Variants in IMPA2 observed in about 807,000 individuals in gnomAD.
The protein encoded by IMPA2 is inositol monophosphatase 2.
Under a neutral mutation model 35.1 loss-of-function variants are expected in IMPA2, and 32 were observed. The ratio of observed to expected loss-of-function variants is 0.91; its 90% confidence interval spans 0.69 to 1.23. The LOEUF is 1.23. Among genes scored for constraint, IMPA2 ranks in the 50% most tolerant of loss-of-function variants. IMPA2 has a pLI of 0.00. For missense variants in IMPA2, 334 were observed against 387.6 expected, an observed-to-expected ratio of 0.86 and a Z score of 1.16; for synonymous variants, 135 against 160.6, an observed-to-expected ratio of 0.84 and a Z score of 1.20.
rs748544516 is a variant in IMPA2, at chr18:11,999,109, C to G, written c.152C>G (p.Ala51Gly). The G allele has an allele frequency of 1.2e-6, 2 of 1,613,458 alleles. No individual in the cohort carries two copies. The highest frequency in any genetic ancestry group is 2.2e-5 in the South Asian group (2 of 91,040). ...CGTGTCTCAACAAAAACATCAGCTG[C>G]AGATCTTGTGACAGAAACAGATCAC... ...EKRVSTKTSA[A>G]DLVTETDHLV... The change falls in exon 2 of 8, where the codon GCA becomes GGA. Residue 51 changes from alanine (A) to glycine (G), a missense_variant. By Grantham distance (60) the Ala-to-Gly change is moderately conservative. Coordinates refer to ENST00000269159, the MANE Select transcript of IMPA2 (RefSeq NM_014214.3).
intron 5 of IMPA2, among the ~76,000 whole-genome samples, chr18:12,016,907 A>G (rs772697676): frequency 1.3e-5 from 2 of 152,230 alleles, no homozygotes; most frequent in Non-Finnish European, 2.9e-5. Flanking sequence ...ACCATTATCA[A>G]AGAAGAAACT....
intron 1 of IMPA2, among the ~76,000 whole-genome samples, chr18:11,992,025 G>T (rs1181460386): frequency 1.3e-5 from 2 of 152,152 alleles, no homozygotes; most frequent in East Asian, 3.9e-4. Flanking sequence ...TGTATTTTTA[G>T]TAGAGACAGG....
intron 5 of IMPA2, among the ~76,000 whole-genome samples, chr18:12,027,789 C>T (rs544586186): frequency 9.2e-5 from 14 of 151,500 alleles, no homozygotes; most frequent in African/African-American, 3.4e-4. Context: ...ACCATCTTGC[C>T]CAGGCTGGTC....
chr18:11,997,178 T>C (rs1042215538), intron 1 of IMPA2, among the ~76,000 whole-genome samples: 11 of 152,232 alleles, frequency 7.2e-5, no homozygotes, highest in African/African-American at 2.2e-4. Flanking sequence ...TTGAGGGTCC[T>C]GGACCATGGG....
At chr18:12,011,714 G>T (rs528321950) in intron 3 of IMPA2, among the ~76,000 whole-genome samples, 8 of 152,368 alleles carry the variant, frequency 5.3e-5, no homozygotes, top group Admixed American at 5.2e-4. Flanking sequence ...GGGCACTCAG[G>T]CAGGGATGCT....
intron 5 of IMPA2, 136 bp downstream of exon 5, chr18:12,014,509 C>T: frequency 1.8e-6 from 1 of 563,896 alleles, no homozygotes; most frequent in Non-Finnish European, 3.1e-6. Context: ...ACATCGTGTC[C>T]CTGATGAACT....
intron 2 of IMPA2, among the ~76,000 whole-genome samples, chr18:12,002,988 T>C (rs999300136): frequency 2.0e-5 from 3 of 151,048 alleles, no homozygotes; most frequent in African/African-American, 7.3e-5. Flanking sequence ...AGGTCAGGAG[T>C]TCGAGACCAG....
rs1164803590 is a variant in IMPA2 at position 12,009,912 on chromosome 18, G to A, written c.260G>A (p.Gly87Glu). The A allele has an allele frequency of 1.2e-6, 2 of 1,614,124 alleles. No homozygotes were observed. Among genetic ancestry groups the A allele is most frequent in the East Asian group, 4.5e-5 (2 of 44,874 alleles). The change falls in exon 3 of 8, where the codon GGG (glycine) becomes GAG (glutamate). Residue 87 changes from glycine (G) to glutamate (E), a missense_variant. Gly to Glu is a moderately conservative substitution (Grantham distance 98, BLOSUM62 -2). Coordinates refer to ENST00000269159, the MANE Select transcript of IMPA2 (RefSeq NM_014214.3). ...RFIAEEAAAS[G>E]AKCVLTHSPT... ...ATTGCAGAAGAGGCCGCGGCTTCTG[G>A]GGCCAAGTGTGTGCTCACCCACAGC...
intron 1 of IMPA2, among the ~76,000 whole-genome samples, chr18:11,985,476 T>C (rs1342977931): frequency 1.3e-5 from 2 of 152,232 alleles, no homozygotes; most frequent in Admixed American, 6.5e-5. Flanking sequence ...TTAGAAAATT[T>C]AGGCTTCAAA....
chr18:12,000,760 T>C (rs1018007915), intron 2 of IMPA2, among the ~76,000 whole-genome samples: 3 of 150,576 alleles, frequency 2.0e-5, no homozygotes, highest in African/African-American at 4.9e-5. Flanking sequence ...GGACTACAGG[T>C]GCCCGCCACC....
intron 2 of IMPA2, among the ~76,000 whole-genome samples, chr18:12,004,283 G>T (rs2143796390): frequency 6.6e-6 from 1 of 151,924 alleles, no homozygotes; most frequent in South Asian, 2.1e-4. Context: ...GAAAAAAAAA[G>T]AAAGAAAGAA....
chr18:12,029,710 C>T (rs1382039500), intron 7 of IMPA2, among the ~76,000 whole-genome samples: 1 of 152,174 alleles, frequency 6.6e-6, no homozygotes, highest in Non-Finnish European at 1.5e-5. Context: ...CCTGAGCCAC[C>T]ATGCCCGGCC....
intron 6 of IMPA2, 101 bp from the exon 7 acceptor site, chr18:12,028,741 T>C (rs746610187): frequency 2.2e-6 from 3 of 1,343,026 alleles, no homozygotes. Flanking sequence ...CATTTTTCAC[T>C]AGGGAAAATG....
chr18:12,004,454 G>C (rs1907198359), intron 2 of IMPA2, among the ~76,000 whole-genome samples: 2 of 151,628 alleles, frequency 1.3e-5, no homozygotes, highest in Non-Finnish European at 1.5e-5. Context: ...TTTTCCTCTT[G>C]TCTATTGGAT....
chr18:11,997,787 A>T (rs1267045033), intron 1 of IMPA2, among the ~76,000 whole-genome samples: 1 of 152,220 alleles, frequency 6.6e-6, no homozygotes, highest in Non-Finnish European at 1.5e-5. Context: ...GGATGTAGCT[A>T]GTTTAGGAAG....
At chr18:12,004,014 TG>T (rs1907187486) in intron 2 of IMPA2, among the ~76,000 whole-genome samples, 1 of 152,240 alleles carries the variant, frequency 6.6e-6, no homozygotes, top group Non-Finnish European at 1.5e-5. Context: ...AGAGCCCCCA[TG>T]TAACCTGCTG....
rs1212881622 is a variant in IMPA2 at position 12,010,031 on chromosome 18, C to T, written c.335+44C>T. 1 of 1,437,388 alleles carries T rather than the reference C, an allele frequency of 7.0e-7. No individual in the cohort carries two copies. Among genetic ancestry groups the T allele is most frequent in the Non-Finnish European group, 9.8e-7 (1 of 1,023,042 alleles). 89.0% of individuals were successfully genotyped at this position (1,437,388 alleles called of 1,614,324 possible). A position where few individuals can be genotyped will look rare whatever the true frequency, so the allele number is the denominator to read the frequency against. On this transcript the variant is annotated intron_variant, in intron 3 of 7. Coordinates refer to ENST00000269159, the MANE Select transcript of IMPA2 (RefSeq NM_014214.3). This position sits in a 1 kb window ranked among gnomAD's most constrained non-coding sequence, Gnocchi z 4.8. ...GCCTCCATTGCAGGGCTTAACATGT[C>T]CTCTTCTGTGAGGTTTTGTCTTTTC...
At chr18:12,013,595 G>A (rs73404724) in intron 4 of IMPA2, among the ~76,000 whole-genome samples, 6,200 of 152,308 alleles carry the variant, frequency 0.041, 147 homozygotes, top group Middle Eastern at 0.075. Context: ...TGTTAACCCT[G>A]AGTGGTGAAA....
intron 2 of IMPA2, 142 bp from the exon 3 acceptor site, chr18:12,009,741 C>T (rs918221673): frequency 2.9e-5 from 20 of 686,968 alleles, no homozygotes; most frequent in African/African-American, 5.3e-5. Flanking sequence ...TGTTTAAAGA[C>T]TCTGCCTCTG....
Sources: gnomAD v4.1 joint callset for allele counts (sites outside exome capture counted in the v4.1 genomes callset) on GRCh38, gnomAD v4.1.1 for gene constraint, Gnocchi (gnomAD v3.1) non-coding constraint, MANE v1.5 for transcripts, NCBI Gene and HGNC (gene_info 2026-07-23, HGNC 2026-07-21) for gene names.